Variants in PCDH11X observed in about 807,000 individuals in gnomAD.
PCDH11X encodes the protein protocadherin-11 X-linked.
In PCDH11X, 18 loss-of-function variants were observed where a neutral mutation model predicts 53.3. The ratio of observed to expected loss-of-function variants is 0.34; its 90% confidence interval spans 0.23 to 0.50. The LOEUF is 0.50. Among genes scored for constraint, PCDH11X ranks in the 20% least tolerant of loss-of-function variants. The pLI is 0.98. For missense variants in PCDH11X, 570 were observed against 1,032.4 expected, an observed-to-expected ratio of 0.55 and a Z score of 6.14; for synonymous variants, 279 against 393.3, an observed-to-expected ratio of 0.71 and a Z score of 3.44.
rs1941941505 is a variant in PCDH11X, at chrX:91,926,126, AAGG to A, written c.3033+46856_3033+46858del. 3.8e-5 allele frequency among the ~76,000 whole-genome samples: 4 copies of A among 105,487 alleles called. No individual in the cohort carries two copies. The East Asian group carries it at 1.2e-3, about 32-fold the overall frequency. The allele number at this position is 105,487 out of a possible 115,157, so 91.6% of individuals were successfully genotyped here. ...CACACACACACACATATATATATAG[AAGG>A]AGATTTATTATAAGAAATTAAAGCA... On this transcript the variant is annotated intron_variant, in intron 6 of 10. Transcript: ENST00000682573.
intron 5 of PCDH11X, among the ~76,000 whole-genome samples, chrX:91,874,984 C>T (rs1939514117): frequency 9.5e-6 from 1 of 104,759 alleles, no homozygotes; most frequent in Non-Finnish European, 2.0e-5. Flanking sequence ...TGCCACTTGT[C>T]CAGAACATGT....
intron 9 of PCDH11X, among the ~76,000 whole-genome samples, chrX:92,457,567 C>T (rs1256669474): frequency 3.3e-4 from 36 of 109,492 alleles, no homozygotes; most frequent in African/African-American, 1.1e-3. Context: ...ACTTCCAAAA[C>T]CATACTTTCG....
At position 92,620,740 on chromosome X, in the gene PCDH11X, C is replaced by T. The variant is rs1248791223; in HGVS notation, c.*1800C>T. ...GTTCCTTAAGTCATATTTGACTGGG[C>T]GTGCAGAATAACTTCTTAACTTTTA... On this transcript the variant is annotated 3_prime_UTR_variant, in exon 11 of 11. Coordinates refer to ENST00000682573, the MANE Select transcript of PCDH11X (RefSeq NM_032968.5). 5 of 109,848 alleles carry T rather than the reference C, an allele frequency of 4.6e-5. No homozygotes were observed. Among genetic ancestry groups the T allele is most frequent in the African/African-American group, 1.3e-4 (4 of 29,749 alleles). The allele number at this position is 109,848 out of a possible 1,213,427, so 9.1% of individuals were successfully genotyped here. A position where few individuals can be genotyped will look rare whatever the true frequency, so the allele number is the denominator to read the frequency against.
At chrX:91,783,336 C>T (rs1395988453) in intron 1 of PCDH11X, among the ~76,000 whole-genome samples, 4 of 111,593 alleles carry the variant, frequency 3.6e-5, no homozygotes. Flanking sequence ...ACTCCCTGCC[C>T]CTTCCCCCTG....
intron 6 of PCDH11X, among the ~76,000 whole-genome samples, chrX:91,959,303 A>G (rs1308397347): frequency 1.8e-5 from 2 of 110,662 alleles, no homozygotes; most frequent in Non-Finnish European, 3.8e-5. Context: ...TTTCTTTTTG[A>G]TGAGAACACT....
chrX:92,102,161 G>A (rs1224099848), intron 6 of PCDH11X, among the ~76,000 whole-genome samples: 2 of 111,355 alleles, frequency 1.8e-5, no homozygotes, highest in African/African-American at 3.3e-5. Flanking sequence ...GGTAATTGTG[G>A]GACTTAAGAA....
At chrX:92,562,953 C>A (rs2075154705) in intron 10 of PCDH11X, among the ~76,000 whole-genome samples, 1 of 109,082 alleles carries the variant, frequency 9.2e-6, no homozygotes, top group East Asian at 2.9e-4. Flanking sequence ...TCTTCTGAAC[C>A]CTCCACACTC....
intron 6 of PCDH11X, among the ~76,000 whole-genome samples, chrX:92,117,525 G>A (rs187321650): frequency 3.6e-5 from 4 of 111,014 alleles, no homozygotes; most frequent in East Asian, 2.8e-4. Context: ...ATATACTAGC[G>A]TAAGTGTTTC....
chrX:92,236,909 A>G (rs1453174287), intron 7 of PCDH11X, among the ~76,000 whole-genome samples: 3 of 111,860 alleles, frequency 2.7e-5, no homozygotes, highest in East Asian at 2.8e-4. Flanking sequence ...GAGACTATCA[A>G]TGAGGGAATC....
At chrX:91,844,473 T>G (rs921119575) in intron 5 of PCDH11X, among the ~76,000 whole-genome samples, 1 of 109,854 alleles carries the variant, frequency 9.1e-6, no homozygotes, top group Non-Finnish European at 1.9e-5. Flanking sequence ...CTGGAATTGC[T>G]TTATTTACAT....
intron 8 of PCDH11X, among the ~76,000 whole-genome samples, chrX:92,337,992 C>A (rs34628897): frequency 9.0e-6 from 1 of 111,067 alleles, no homozygotes; most frequent in Admixed American, 9.6e-5. Context: ...ATAGAAATAT[C>A]TTTGCCTATT....
In PCDH11X at chrX:92,359,584, GAC is replaced by G; in HGVS notation, c.3145-28147_3145-28146del. On this transcript the variant is annotated intron_variant, in intron 8 of 10. Coordinates refer to ENST00000682573, the MANE Select transcript of PCDH11X (RefSeq NM_032968.5). ...CGACCTAATATCTCATTTATTTTGTGACACAATAGATTTGATTGGCTCTGCCA... is the reference window on the plus strand; with the variant it reads ...CGACCTAATATCTCATTTATTTTGTGACAATAGATTTGATTGGCTCTGCCA... 2.7e-5 allele frequency among the ~76,000 whole-genome samples: 3 copies of G among 111,287 alleles called. No individual in the cohort carries two copies. In the Admixed American group the frequency reaches 2.9e-4, roughly 11 times the overall value.
At chrX:92,396,602 C>G (rs6619003) in intron 9 of PCDH11X, among the ~76,000 whole-genome samples, 15,319 of 103,942 alleles carry the variant, frequency 0.15, 1,997 homozygotes, top group East Asian at 0.71. Context: ...CCATCACTTT[C>G]GGAGGCCGAG....
At chrX:92,324,376 A>G (rs2069280751) in intron 8 of PCDH11X, among the ~76,000 whole-genome samples, 1 of 111,242 alleles carries the variant, frequency 9.0e-6, no homozygotes, top group South Asian at 3.8e-4. Context: ...CAATTTGGCA[A>G]TCTCTTTCTT....
intron 6 of PCDH11X, among the ~76,000 whole-genome samples, chrX:92,182,706 T>C (rs927287514): frequency 8.9e-6 from 1 of 112,063 alleles, no homozygotes; most frequent in Admixed American, 9.5e-5. Flanking sequence ...CTTTGCTTAC[T>C]GCCATCCATG....
intron 7 of PCDH11X, among the ~76,000 whole-genome samples, chrX:92,235,826 A>T (rs181318845): frequency 9.0e-6 from 1 of 110,919 alleles, no homozygotes; most frequent in African/African-American, 3.3e-5. Context: ...CTTGCAATGC[A>T]TCTCAGAGTG....
At chrX:92,221,171 C>T (rs1428707893) in intron 7 of PCDH11X, among the ~76,000 whole-genome samples, 1 of 101,244 alleles carries the variant, frequency 9.9e-6, no homozygotes, top group Non-Finnish European at 2.0e-5. Flanking sequence ...GCACATTGTG[C>T]ACATGTACCC....
chrX:92,563,465 A>G, intron 10 of PCDH11X, among the ~76,000 whole-genome samples: 1 of 107,701 alleles, frequency 9.3e-6, no homozygotes, highest in East Asian at 3.0e-4. Context: ...GCCAGGAAGC[A>G]CATTCAAATT....
At chrX:92,157,196 G>T (rs1278359164) in intron 6 of PCDH11X, among the ~76,000 whole-genome samples, 1 of 111,733 alleles carries the variant, frequency 8.9e-6, no homozygotes, top group Admixed American at 9.5e-5. Flanking sequence ...TGGTGTGCAG[G>T]ATTGTGGCTT....
Sources: gnomAD v4.1 joint callset for allele counts (sites outside exome capture counted in the v4.1 genomes callset) on GRCh38, gnomAD v4.1.1 for gene constraint, MANE v1.5 for transcripts, NCBI Gene and HGNC (gene_info 2026-07-23, HGNC 2026-07-21) for gene names.